The following MSH6 variants were observed in gnomAD, a reference collection of about 807,000 sequenced individuals.
MSH6 encodes mutS homolog 6, also known as DNA mismatch repair protein Msh6.
In MSH6, 85 loss-of-function variants were observed where a neutral mutation model predicts 119.1. That is an observed-to-expected ratio of 0.71 (90% CI 0.60 to 0.85). The LOEUF (loss-of-function observed/expected upper bound fraction) is 0.85. Ranked by LOEUF, MSH6 falls within the 40% of genes least tolerant of loss-of-function variation. The probability of loss-of-function intolerance (pLI) is 0.00; values close to 1 mark genes in which losing one functional copy is unlikely to be tolerated. For synonymous variants in MSH6, 830 were observed against 586.9 expected (o/e 1.41, Z -5.99); for missense variants, 2,163 against 1,655.3 (o/e 1.31, Z -5.32).
intron 1 of MSH6, chr2:47,789,349 T>C: frequency 7.3e-6 from 3 of 412,814 alleles, no homozygotes; most frequent in Non-Finnish European, 1.5e-5. Flanking sequence ...TCTAATATTT[T>C]ATTTCAGAAA....
chr2:47,806,702 A>G (rs1266061710), intron 9 of MSH6, 51 bp downstream of exon 9: 66 of 1,587,716 alleles, frequency 4.2e-5, no homozygotes, highest in Non-Finnish European at 5.6e-5. Context: ...TAAGTTTCAA[A>G]GAAACAGTAA....
At position 47,803,445 on chromosome 2, in the gene MSH6, T is replaced by C. The variant is rs199643502; in HGVS notation, c.3198T>C (p.Tyr1066=). Reference sequence around the variant, plus strand: ...ATGTTTTACTGTGCCTGGCTAACTATAGTCGAGGGGGTGATGGTCCTATGT... The same window carrying C: ...ATGTTTTACTGTGCCTGGCTAACTACAGTCGAGGGGGTGATGGTCCTATGT... ...VLDVLLCLAN[Y]SRGGDGPMCR... Residue 1066 remains tyrosine (Y), a synonymous_variant, in exon 5 of 10, where the codon TAT becomes TAC. Coordinates refer to ENST00000234420, the MANE Select transcript of MSH6 (RefSeq NM_000179.3). 15 of 1,614,062 alleles carry C rather than the reference T, an allele frequency of 9.3e-6. No homozygotes were observed. The highest frequency in any genetic ancestry group is 8.3e-5 in the Admixed American group (5 of 59,990).
At chr2:47,794,306 T>G (rs549315793) in intron 2 of MSH6, among the ~76,000 whole-genome samples, 15 of 152,054 alleles carry the variant, frequency 9.9e-5, no homozygotes, top group African/African-American at 3.6e-4. Flanking sequence ...GAGACCCACT[T>G]TGTCACCCAG....
intron 2 of MSH6, among the ~76,000 whole-genome samples, chr2:47,793,457 GTC>G (rs1668878119): frequency 6.7e-6 from 1 of 149,994 alleles, no homozygotes; most frequent in Non-Finnish European, 1.5e-5. Flanking sequence ...GTGAAACACT[GTC>G]TCTACTAAAA....
At chr2:47,788,246 C>CTTTT (rs560110301) in intron 1 of MSH6, among the ~76,000 whole-genome samples, 1,507 of 90,068 alleles carry the variant, frequency 0.017, 6 homozygotes, top group Middle Eastern at 0.024. Context: ...TTCTTTCTTT[C>CTTTT]TTTTTTTTTT....
chr2:47,785,195 T>A (rs1668276414), intron 1 of MSH6, among the ~76,000 whole-genome samples: 1 of 151,118 alleles, frequency 6.6e-6, no homozygotes, highest in African/African-American at 2.4e-5. Context: ...TCAGAAAAAA[T>A]AACTCATTCA....
intron 3 of MSH6, among the ~76,000 whole-genome samples, chr2:47,796,362 A>G (rs563678155): frequency 6.6e-6 from 1 of 152,180 alleles, no homozygotes; most frequent in South Asian, 2.1e-4. Context: ...AGTAATATAT[A>G]TATGAGGGTA....
At chr2:47,791,987 C>A (rs1483540322) in intron 2 of MSH6, among the ~76,000 whole-genome samples, 6 of 152,126 alleles carry the variant, frequency 3.9e-5, no homozygotes. Flanking sequence ...GCTGGGATTA[C>A]AGGTGCACAC....
intron 2 of MSH6, among the ~76,000 whole-genome samples, chr2:47,795,432 G>GTGTGTGTGTGTGTGTGTA (rs1669017976): frequency 2.0e-5 from 3 of 149,576 alleles, no homozygotes. Flanking sequence ...ATGTGTGTGT[G>GTGTGTGTGTGTGTGTGTA]TGTGTGTGTG....
chr2:47,788,026 T>C (rs1271117455), intron 1 of MSH6, among the ~76,000 whole-genome samples: 1 of 152,028 alleles, frequency 6.6e-6, no homozygotes, highest in Non-Finnish European at 1.5e-5. Context: ...TGAAGAAAAA[T>C]TTTGAGAAAT....
chr2:47,789,689 C>G (rs547270191), intron 1 of MSH6, among the ~76,000 whole-genome samples: 1 of 152,278 alleles, frequency 6.6e-6, no homozygotes, highest in South Asian at 2.1e-4. Flanking sequence ...ATGTCCAAGT[C>G]CCTTATGAGA....
intron 8 of MSH6, 37 bp downstream of exon 8, chr2:47,806,395 T>G (rs1474363697): frequency 6.2e-7 from 1 of 1,612,238 alleles, no homozygotes; most frequent in Non-Finnish European, 8.5e-7. Context: ...AATTCGGTTT[T>G]TTGAGAGGGC....
intron 2 of MSH6, among the ~76,000 whole-genome samples, chr2:47,791,852 TA>T (rs1668749263): frequency 6.6e-6 from 1 of 151,512 alleles, no homozygotes; most frequent in East Asian, 1.9e-4. Flanking sequence ...TATATATATA[TA>T]TTTTTTTTTT....
At chr2:47,801,366 T>TTTTTTTTTTTG (rs1669582474) in intron 4 of MSH6, 1 of 452,586 alleles carries the variant, frequency 2.2e-6, no homozygotes, top group African/African-American at 2.4e-5. Flanking sequence ...CTTCAGTTTT[T>TTTTTTTTTTTG]TTTTTTTTTT....
chr2:47,792,599 C>G (rs151019909), intron 2 of MSH6, among the ~76,000 whole-genome samples: 2 of 152,150 alleles, frequency 1.3e-5, no homozygotes, highest in Admixed American at 1.3e-4. Flanking sequence ...AGCAGTCTGC[C>G]CACTTCGGCC....
chr2:47,802,378 A>G (rs1669654392), intron 4 of MSH6, among the ~76,000 whole-genome samples: 1 of 152,266 alleles, frequency 6.6e-6, no homozygotes, highest in East Asian at 1.9e-4. Context: ...CTGTTTTCAG[A>G]CTGGAGTACA....
chr2:47,792,393 C>G (rs1668789427), intron 2 of MSH6, among the ~76,000 whole-genome samples: 1 of 152,146 alleles, frequency 6.6e-6, no homozygotes, highest in Non-Finnish European at 1.5e-5. Flanking sequence ...GGCATTTTGT[C>G]TAAAATTAAA....
rs776547943 is a variant in MSH6, at chr2:47,783,337, C to G, written c.104C>G (p.Ala35Gly). The G allele has an allele frequency of 6.2e-7, 1 of 1,610,380 alleles. No individual in the cohort carries two copies. The highest frequency in any genetic ancestry group is 1.7e-5 in the Admixed American group (1 of 59,780). The change falls in exon 1 of 10, where the codon GCC (alanine) becomes GGC (glycine). Residue 35 changes from alanine to glycine, a missense_variant. Transcript: ENST00000234420. ...ARASREGGRA[A>G]AAPGASPSPG... ...GCCTCACGCGAAGGCGGCCGTGCCG[C>G]CGCTGCCCCCGGGGCCTCTCCTTCC...
In MSH6 at chr2:47,793,318, C is replaced by CAAAAAA. The variant is rs34250836; in HGVS notation, c.457+2219_457+2224dup. Among the ~76,000 whole-genome samples, 18 of 48,810 alleles carry CAAAAAA rather than the reference C, an allele frequency of 3.7e-4. 1 individual carries two copies. Among genetic ancestry groups the CAAAAAA allele is most frequent in the African/African-American group, 8.5e-4 (10 of 11,750 alleles). The allele number at this position is 48,810 out of a possible 152,430, so 32.0% of individuals were successfully genotyped here. ...CCTGGGTGACAGAGCGAGACTGTCT[C>CAAAAAA]AAAAAAAAAAAAAAAAAAAAAAAAA... On this transcript the variant is annotated intron_variant, in intron 2 of 9. Coordinates refer to ENST00000234420, the MANE Select transcript of MSH6 (RefSeq NM_000179.3).
Sources: allele counts gnomAD v4.1 joint callset (sites outside exome capture counted in the v4.1 genomes callset), GRCh38; gene constraint gnomAD v4.1.1; transcripts MANE v1.5; gene names NCBI Gene and HGNC (gene_info 2026-07-23, HGNC 2026-07-21).